Variants in ELMO1 observed in about 807,000 individuals in gnomAD.
ELMO1 encodes engulfment and cell motility 1.
Under a neutral mutation model 98.9 loss-of-function variants are expected in ELMO1, and 26 were observed. The observed-to-expected ratio is 0.26, with a 90% confidence interval of 0.19 to 0.36. ELMO1 has a LOEUF of 0.36. Ranked by LOEUF, ELMO1 falls within the 10% of genes least tolerant of loss-of-function variation. The pLI is 1.00. For synonymous variants in ELMO1, 346 were observed against 346.0 expected, an observed-to-expected ratio of 1.00 and a Z score of 0.00; for missense variants, 627 against 935.2, an observed-to-expected ratio of 0.67 and a Z score of 4.30.
chr7:36,964,980 C>T (rs1316388301), intron 16 of ELMO1, among the ~76,000 whole-genome samples: 2 of 152,168 alleles, frequency 1.3e-5, no homozygotes, highest in Admixed American at 1.3e-4. Context: ...CCACTATCAC[C>T]CCCCGCATCC....
intron 6 of ELMO1, among the ~76,000 whole-genome samples, chr7:37,254,364 A>G (rs547329881): frequency 1.3e-5 from 2 of 152,366 alleles, no homozygotes; most frequent in East Asian, 3.9e-4. Flanking sequence ...GGCTGTATGT[A>G]TCAAACTGGG....
At chr7:37,038,727 ATTTC>A in intron 15 of ELMO1, among the ~76,000 whole-genome samples, 1 of 152,290 alleles carries the variant, frequency 6.6e-6, no homozygotes, top group Admixed American at 6.5e-5. Context: ...AAAAACAGGA[ATTTC>A]TTTGTTTTTA....
chr7:37,030,001 AG>A (rs1794787371), intron 15 of ELMO1, among the ~76,000 whole-genome samples: 1 of 152,186 alleles, frequency 6.6e-6, no homozygotes, highest in Non-Finnish European at 1.5e-5. Context: ...AAGTCTTTTC[AG>A]GTGGCTATAA....
chr7:36,887,636 C>T lies in ELMO1; in HGVS notation c.1638G>A (p.Glu546=). ...GGTTCAGGCGTTGCTGTTTGATCAG[C>T]TCTAAGATTTCTGGCTGAATCTTCT... is the stretch of plus-strand genomic sequence containing the variant. ...LKEKIQPEIL[E]LIKQQRLNRL... is the part of the protein sequence containing the mutation. Residue 546 remains glutamate (E), a synonymous_variant, in exon 18 of 22, where the codon GAG becomes GAA. Transcript: ENST00000310758. 2 of 1,614,076 alleles carry T rather than the reference C, an allele frequency of 1.2e-6. No homozygotes were observed. The highest frequency in any genetic ancestry group is 1.7e-6 in the Non-Finnish European group (2 of 1,179,956).
chr7:36,987,385 C>T (rs73117529), intron 16 of ELMO1, among the ~76,000 whole-genome samples: 2 of 152,284 alleles, frequency 1.3e-5, no homozygotes, highest in Non-Finnish European at 2.9e-5. Flanking sequence ...ACTCAGGGGT[C>T]TGCGGAAGCC....
At chr7:37,028,323 T>TA (rs1486654223) in intron 15 of ELMO1, among the ~76,000 whole-genome samples, 3 of 152,114 alleles carry the variant, frequency 2.0e-5, no homozygotes, top group Non-Finnish European at 4.4e-5. Flanking sequence ...CCGTGATTTT[T>TA]AAAAACAGTT....
intron 7 of ELMO1, among the ~76,000 whole-genome samples, chr7:37,236,647 A>C (rs1190749992): frequency 1.3e-5 from 2 of 152,218 alleles, no homozygotes; most frequent in East Asian, 3.8e-4. Context: ...CATATTCATT[A>C]GGACCGGTTG....
intron 2 of ELMO1, among the ~76,000 whole-genome samples, chr7:37,329,220 T>C (rs1799974331): frequency 6.6e-6 from 1 of 152,202 alleles, no homozygotes; most frequent in Non-Finnish European, 1.5e-5. Context: ...AAAGGCAAGA[T>C]AGAGGAAAAA....
chr7:37,086,154 C>A (rs989260774), intron 15 of ELMO1, among the ~76,000 whole-genome samples: 4 of 152,262 alleles, frequency 2.6e-5, no homozygotes, highest in Non-Finnish European at 5.9e-5. Context: ...TCCTCCTCCA[C>A]AGCCCTCCCG....
chr7:36,999,260 A>G (rs1394992806), intron 16 of ELMO1, among the ~76,000 whole-genome samples: 1 of 152,160 alleles, frequency 6.6e-6, no homozygotes, highest in Non-Finnish European at 1.5e-5. Flanking sequence ...CATTTCCCTC[A>G]TGGGAATGGC....
At chr7:37,409,174 A>C (rs1803897991) in intron 1 of ELMO1, among the ~76,000 whole-genome samples, 1 of 151,728 alleles carries the variant, frequency 6.6e-6, no homozygotes, top group Admixed American at 6.6e-5. Flanking sequence ...AACCTACTGG[A>C]TGCCAAAAGT....
At chr7:37,423,802 T>G (rs1256747171) in intron 1 of ELMO1, among the ~76,000 whole-genome samples, 1 of 152,222 alleles carries the variant, frequency 6.6e-6, no homozygotes, top group Admixed American at 6.5e-5. Flanking sequence ...GCAAAGAATT[T>G]GACAGATAGT....
chr7:37,143,842 C>T (rs1383300061), intron 13 of ELMO1, among the ~76,000 whole-genome samples: 1 of 151,180 alleles, frequency 6.6e-6, no homozygotes, highest in Non-Finnish European at 1.5e-5. Flanking sequence ...TCCCAAGTAG[C>T]TGGGATTACA....
At chr7:36,966,331 G>T (rs1256835248) in intron 16 of ELMO1, among the ~76,000 whole-genome samples, 1 of 152,176 alleles carries the variant, frequency 6.6e-6, no homozygotes, top group African/African-American at 2.4e-5. Flanking sequence ...ATGGGTCAGC[G>T]TGAAGGTTAT....
At chr7:37,028,339 C>T (rs1210619273) in intron 15 of ELMO1, among the ~76,000 whole-genome samples, 1 of 152,102 alleles carries the variant, frequency 6.6e-6, no homozygotes, top group East Asian at 1.9e-4. Flanking sequence ...CAGTTGATTC[C>T]ACTTCTTTTT....
chr7:37,180,433 A>G (rs1338730612), intron 13 of ELMO1, among the ~76,000 whole-genome samples: 2 of 152,200 alleles, frequency 1.3e-5, no homozygotes, highest in African/African-American at 4.8e-5. Context: ...GCACAAAACC[A>G]TGGTCTGTAT....
chr7:37,235,936 T>C (rs1447558191), intron 7 of ELMO1, among the ~76,000 whole-genome samples: 1 of 151,982 alleles, frequency 6.6e-6, no homozygotes, highest in African/African-American at 2.4e-5. Context: ...ATAAAACAAA[T>C]AAACCAATAA....
intron 13 of ELMO1, among the ~76,000 whole-genome samples, chr7:37,144,056 A>G (rs896415999): frequency 2.0e-5 from 3 of 152,138 alleles, no homozygotes; most frequent in South Asian, 2.1e-4. Flanking sequence ...CTCAGACATT[A>G]TAACAGACCC....
chr7:37,176,232 T>C (rs1235906458), intron 13 of ELMO1, among the ~76,000 whole-genome samples: 1 of 152,228 alleles, frequency 6.6e-6, no homozygotes, highest in African/African-American at 2.4e-5. Flanking sequence ...ACTTTCACTG[T>C]CATTTCCTAG....
Sources: gnomAD v4.1 joint callset for allele counts (sites outside exome capture counted in the v4.1 genomes callset) on GRCh38, gnomAD v4.1.1 for gene constraint, MANE v1.5 for transcripts, NCBI Gene and HGNC (gene_info 2026-07-23, HGNC 2026-07-21) for gene names.